MYO9A: variants seen among roughly 807,000 people sequenced by gnomAD.
The protein encoded by MYO9A is myosin IXA.
Under a neutral mutation model 293.3 loss-of-function variants are expected in MYO9A, and 103 were observed. That is an observed-to-expected ratio of 0.35 (90% CI 0.30 to 0.41). The LOEUF is 0.41. Among genes scored for constraint, MYO9A ranks in the 10% least tolerant of loss-of-function variants. The pLI is 1.00. For synonymous variants in MYO9A, 1,001 were observed against 1,035.7 expected (o/e 0.97, Z 0.64); for missense variants, 2,685 against 3,033.0 (o/e 0.89, Z 2.69).
intron 11 of MYO9A, among the ~76,000 whole-genome samples, chr15:71,984,628 T>C (rs1450023000): frequency 6.6e-6 from 1 of 152,204 alleles, no homozygotes; most frequent in South Asian, 2.1e-4. Flanking sequence ...CTCTTTCTTA[T>C]CTTCATTCAT....
Position 71,898,560 on chromosome 15 carries a change from G to C in MYO9A, c.3943C>G (p.Leu1315Val). ...TCAGGTGTACCCCGTGGAGACTGAAGGCCTTCAGGCACCAATTCTGTAGAC... is the reference window on the plus strand; with the variant it reads ...TCAGGTGTACCCCGTGGAGACTGAACGCCTTCAGGCACCAATTCTGTAGAC... ...RWSTELVPEG[L>V]QSPRGTPDSE... Residue 1315 changes from leucine (L) to valine (V), a missense_variant, in exon 25 of 42, where the codon CTT (leucine) becomes GTT (valine). Coordinates refer to ENST00000356056, the MANE Select transcript of MYO9A (RefSeq NM_006901.4). The C allele has an allele frequency of 1.2e-6, 2 of 1,614,022 alleles. No individual in the cohort carries two copies. Among genetic ancestry groups the C allele is most frequent in the Middle Eastern group, 3.3e-4 (2 of 6,060 alleles).
Position 71,840,648 on chromosome 15 carries a change from G to A in MYO9A, c.6837+8197C>T, listed in dbSNP as rs899776735. Among the ~76,000 whole-genome samples, 17 of 150,580 alleles carry A rather than the reference G, an allele frequency of 1.1e-4. 1 individual carries two copies. The highest frequency in any genetic ancestry group is 4.1e-4 in the African/African-American group (17 of 40,984). ...AAGGCTTTCTTTTTTTGTTTTTTTTGAGACGGAGTCTTGCTCTGTCGCCCA... is the reference window on the plus strand; with the variant it reads ...AAGGCTTTCTTTTTTTGTTTTTTTTAAGACGGAGTCTTGCTCTGTCGCCCA... On this transcript the variant is annotated intron_variant, in intron 39 of 41. Transcript: ENST00000356056.
intron 26 of MYO9A, chr15:71,888,318 A>C: frequency 3.0e-6 from 1 of 337,958 alleles, no homozygotes; most frequent in Non-Finnish European, 5.3e-6. Context: ...GTCAATGAAA[A>C]TAAACAGGAT....
chr15:72,056,153 G>C (rs762533914), intron 1 of MYO9A, among the ~76,000 whole-genome samples: 2 of 152,150 alleles, frequency 1.3e-5, no homozygotes, highest in Non-Finnish European at 2.9e-5. Flanking sequence ...ACTTGAACCC[G>C]GGAGGCAAAG....
Position 71,959,904 on chromosome 15 carries a change from T to C in MYO9A, c.2179A>G (p.Thr727Ala). Reference protein sequence around the residue: ...EAGKRNIHRKTGHDDTAPCAI... With the variant: ...EAGKRNIHRKAGHDDTAPCAI... Reference sequence around the variant, plus strand: ...AATACTAATAACTACTACTTACCAGTTTTTCTGTGAATGTTTCTTTTCCCA... The same window carrying C: ...AATACTAATAACTACTACTTACCAGCTTTTCTGTGAATGTTTCTTTTCCCA... Residue 727 changes from threonine (T) to alanine (A), a missense_variant, in exon 14 of 42, where the codon ACT becomes GCT. Coordinates refer to ENST00000356056, the MANE Select transcript of MYO9A (RefSeq NM_006901.4). 1 of 1,611,824 alleles carries C rather than the reference T, an allele frequency of 6.2e-7. No individual in the cohort carries two copies. The highest frequency in any genetic ancestry group is 1.1e-5 in the South Asian group (1 of 91,006).
chr15:72,064,019 G>A (rs1255280297), intron 1 of MYO9A, among the ~76,000 whole-genome samples: 1 of 152,140 alleles, frequency 6.6e-6, no homozygotes, highest in East Asian at 1.9e-4. Flanking sequence ...CAACATGGAT[G>A]GAACTGGAGG....
intron 1 of MYO9A, chr15:72,114,234 C>T (rs1350526573): frequency 6.6e-6 from 1 of 152,068 alleles, no homozygotes; most frequent in Non-Finnish European, 1.5e-5. Context: ...GTGAAAGAGC[C>T]TGACTAAAAG....
chr15:71,981,641 G>GTCTCTCTCTCTCTCTCTCTCTCTCTCTC (rs142432028), intron 11 of MYO9A, among the ~76,000 whole-genome samples: 2 of 144,498 alleles, frequency 1.4e-5, no homozygotes, highest in East Asian at 4.0e-4. Flanking sequence ...TCTCTGTCTT[G>GTCTCTCTCTCTCTCTCTCTCTCTCTCTC]TCTCTCTCTC....
intron 18 of MYO9A, among the ~76,000 whole-genome samples, chr15:71,925,392 G>T (rs1038847482): frequency 1.3e-4 from 20 of 150,124 alleles, no homozygotes; most frequent in African/African-American, 3.9e-4. Flanking sequence ...CGTGTATATG[G>T]ATATATACGT....
intron 14 of MYO9A, among the ~76,000 whole-genome samples, chr15:71,956,330 A>AAAAAAAAATATATATATATATATATAT (rs10642655): frequency 2.6e-5 from 2 of 75,578 alleles, no homozygotes; most frequent in African/African-American, 1.2e-4. Context: ...AAAAAAAAAA[A>AAAAAAAAATATATATATATATATATAT]ATATATATAT....
In MYO9A at chr15:72,118,015, G is replaced by C; in HGVS notation, c.-407C>G. 1 of 398,400 alleles carries C rather than the reference G, an allele frequency of 2.5e-6. No homozygotes were observed. The highest frequency in any genetic ancestry group is 4.4e-6 in the Non-Finnish European group (1 of 226,124). The allele number at this position is 398,400 out of a possible 1,614,324, so 24.7% of individuals were successfully genotyped here. Reference sequence around the variant, plus strand: ...TCCGCCGCCGCCTCTCGCAGTCCGGGCTGTCCTGTACTCTCTCAACAGACA... The same window carrying C: ...TCCGCCGCCGCCTCTCGCAGTCCGGCCTGTCCTGTACTCTCTCAACAGACA... On this transcript the variant is annotated 5_prime_UTR_variant, in exon 1 of 42. Transcript: ENST00000356056.
At chr15:71,884,784 TA>T (rs2056971649) in intron 27 of MYO9A, among the ~76,000 whole-genome samples, 1 of 152,096 alleles carries the variant, frequency 6.6e-6, no homozygotes, top group African/African-American at 2.4e-5. Flanking sequence ...TTTGAGTATG[TA>T]CTAGGTGACA....
chr15:72,016,072 A>G (rs1417084572), intron 6 of MYO9A, among the ~76,000 whole-genome samples: 3 of 152,160 alleles, frequency 2.0e-5, no homozygotes, highest in African/African-American at 7.2e-5. Context: ...ATAACTGAGG[A>G]AACAAAGGCT....
intron 19 of MYO9A, among the ~76,000 whole-genome samples, chr15:71,910,959 T>C (rs1343636138): frequency 6.6e-6 from 1 of 152,168 alleles, no homozygotes; most frequent in African/African-American, 2.4e-5. Flanking sequence ...ATATACACAT[T>C]GTAGTTCACA....
intron 32 of MYO9A, among the ~76,000 whole-genome samples, chr15:71,865,301 AAAT>A (rs1419792836): frequency 3.9e-5 from 6 of 152,182 alleles, no homozygotes; most frequent in Non-Finnish European, 5.9e-5. Flanking sequence ...GTTTAAGTAA[AAAT>A]AATGTTCTGT....
At chr15:71,997,630 A>T (rs972433170) in intron 9 of MYO9A, among the ~76,000 whole-genome samples, 36 of 152,088 alleles carry the variant, frequency 2.4e-4, no homozygotes, top group African/African-American at 8.7e-4. Flanking sequence ...AAACAAAAAT[A>T]AACAAAAAAA....
chr15:71,960,781 A>C (rs576082437), intron 13 of MYO9A, among the ~76,000 whole-genome samples: 1 of 152,324 alleles, frequency 6.6e-6, no homozygotes, highest in African/African-American at 2.4e-5. Context: ...AGCCTCTCCA[A>C]AGAGGTATCA....
At position 71,922,944 on chromosome 15, in the gene MYO9A, C is replaced by T. The variant is rs28709937; in HGVS notation, c.2563-6452G>A. Among the ~76,000 whole-genome samples the T allele has an allele frequency of 5.7e-3, 867 of 152,050 alleles. 13 individuals are homozygous for T. The highest frequency in any genetic ancestry group is 0.02 in the African/African-American group (816 of 41,486). On this transcript the variant is annotated intron_variant, in intron 18 of 41. Transcript: ENST00000356056. Reference sequence around the variant, plus strand: ...TGTTGAATAGAGAAAGTGGTGAAAGCGGGCATCCTTGTCTTATTCTAGATC... The same window carrying T: ...TGTTGAATAGAGAAAGTGGTGAAAGTGGGCATCCTTGTCTTATTCTAGATC...
rs1473209380 is a variant in MYO9A at position 71,826,775 on chromosome 15, C to T, written c.7452G>A (p.Lys2484=). 6.2e-7 allele frequency: 1 copy of T among 1,614,000 alleles called. No homozygotes were observed. The highest frequency in any genetic ancestry group is 8.5e-7 in the Non-Finnish European group (1 of 1,180,000). Residue 2484 remains lysine (K), a synonymous_variant, in exon 42 of 42, where the codon AAG becomes AAA. Coordinates refer to ENST00000356056, the MANE Select transcript of MYO9A (RefSeq NM_006901.4). The part of the protein sequence containing the change: ...PLGQTKFLED[K]PQFISRGTFN... ...AGGTTCCTCTGCTGATGAACTGAGG[C>T]TTGTCTTCCAGGAATTTGGTCTGGC...
Sources: gnomAD v4.1 joint callset for allele counts (sites outside exome capture counted in the v4.1 genomes callset) on GRCh38, gnomAD v4.1.1 for gene constraint, MANE v1.5 for transcripts, NCBI Gene and HGNC (gene_info 2026-07-23, HGNC 2026-07-21) for gene names.